RASSF8: variants seen among roughly 807,000 people sequenced by gnomAD.
The protein encoded by RASSF8 is ras association domain-containing protein 8.
RASSF8 carries 22 observed loss-of-function variants against 48.5 expected under a neutral mutation model. The observed-to-expected ratio is 0.45, with a 90% CI of 0.32 to 0.65. The LOEUF is 0.65. Among genes scored for constraint, RASSF8 ranks in the 30% least tolerant of loss-of-function variants. RASSF8 has a pLI of 0.03. For missense variants in RASSF8, 418 were observed against 489.2 expected, an observed-to-expected ratio of 0.85 and a Z score of 1.37; for synonymous variants, 127 against 171.5, an observed-to-expected ratio of 0.74 and a Z score of 2.03.
At chr12:26,005,546 C>CT (rs1430793833) in intron 2 of RASSF8, among the ~76,000 whole-genome samples, 30 of 151,950 alleles carry the variant, frequency 2.0e-4, no homozygotes, top group African/African-American at 7.0e-4. Flanking sequence ...AATATAAAAT[C>CT]TTTTTTTTGG....
chr12:25,995,884 T>C (rs1942120953), intron 2 of RASSF8, among the ~76,000 whole-genome samples: 1 of 150,250 alleles, frequency 6.7e-6, no homozygotes, highest in Non-Finnish European at 1.5e-5. Context: ...GCGTGCTGTC[T>C]CATAAATTCC....
chr12:25,986,926 T>TTGTTTGTTTGTTTG (rs1555160454), intron 1 of RASSF8, among the ~76,000 whole-genome samples: 1 of 146,612 alleles, frequency 6.8e-6, no homozygotes, highest in Admixed American at 6.8e-5. Context: ...CGTTTTTTTT[T>TTGTTTGTTTGTTTG]TTTGTTTGTT....
chr12:26,003,006 A>G (rs1211825465), intron 2 of RASSF8, among the ~76,000 whole-genome samples: 1 of 152,220 alleles, frequency 6.6e-6, no homozygotes, highest in Non-Finnish European at 1.5e-5. Context: ...TAACTCATTC[A>G]TCTAGAGTTA....
In RASSF8 at chr12:26,038,608, AACACACACACACACACACACAC is replaced by A. The variant is rs57536643; in HGVS notation, c.-108-16601_-108-16580del. On this transcript the variant is annotated intron_variant, in intron 2 of 5. Transcript: ENST00000689635. ...TTGTTTTTTAAAATGTTCTTATTAA[AACACACACACACACACACACAC>A]ACACACACACACACACACACACACA... Among the ~76,000 whole-genome samples, 144 of 144,964 alleles carry A rather than the reference AACACACACACACACACACACAC, an allele frequency of 9.9e-4. 1 individual carries two copies. The highest frequency in any genetic ancestry group is 3.5e-3 in the Middle Eastern group (1 of 284).
chr12:26,073,172 C>T (rs142076382), downstream of RASSF8, among the ~76,000 whole-genome samples: 17 of 152,308 alleles, frequency 1.1e-4, no homozygotes, highest in African/African-American at 4.1e-4. Context: ...GTCCCTACTA[C>T]GTGCCAAGTG....
At chr12:25,992,691 G>A (rs1942042119) in intron 1 of RASSF8, among the ~76,000 whole-genome samples, 1 of 152,156 alleles carries the variant, frequency 6.6e-6, no homozygotes, top group Admixed American at 6.5e-5. Context: ...TGGCTTCAGG[G>A]GAGGCACTGG....
intron 2 of RASSF8, among the ~76,000 whole-genome samples, chr12:25,996,136 G>C (rs1221229058): frequency 6.6e-6 from 1 of 152,152 alleles, no homozygotes; most frequent in Non-Finnish European, 1.5e-5. Context: ...ACCATGACTA[G>C]AAGGCTGCAA....
intron 2 of RASSF8, among the ~76,000 whole-genome samples, chr12:26,035,067 A>G (rs917536148): frequency 6.6e-6 from 1 of 152,100 alleles, no homozygotes; most frequent in Admixed American, 6.6e-5. Flanking sequence ...CAGTTGTCCA[A>G]TACTACTGGT....
intron 2 of RASSF8, among the ~76,000 whole-genome samples, chr12:26,010,650 C>A (rs1361385546): frequency 6.6e-6 from 1 of 152,142 alleles, no homozygotes; most frequent in Non-Finnish European, 1.5e-5. Flanking sequence ...TATTTCCTTT[C>A]CCCCTTTATA....
In RASSF8 at chr12:26,070,056, T is replaced by G; in HGVS notation, c.*1238T>G. 1.0e-6 allele frequency: 1 copy of G among 983,492 alleles called. No individual in the cohort carries two copies. Among genetic ancestry groups the G allele is most frequent in the Non-Finnish European group, 1.2e-6 (1 of 828,144 alleles). 60.9% of individuals were successfully genotyped at this position (983,492 alleles called of 1,614,324 possible). On this transcript the variant is annotated 3_prime_UTR_variant, in exon 6 of 6. Coordinates refer to ENST00000689635, the MANE Select transcript of RASSF8 (RefSeq NM_001394098.1). ...ACTTAACTAAGATTTACAAGTAATATTTAGACAGATTCAGTCAGACACCAC... is the reference window on the plus strand; with the variant it reads ...ACTTAACTAAGATTTACAAGTAATAGTTAGACAGATTCAGTCAGACACCAC...
At chr12:26,030,360 G>A (rs1343241302) in intron 2 of RASSF8, among the ~76,000 whole-genome samples, 2 of 152,130 alleles carry the variant, frequency 1.3e-5, no homozygotes, top group African/African-American at 4.8e-5. Flanking sequence ...CAGGTAGAGG[G>A]GCTACAAGAA....
chr12:25,970,569 A>G (rs370058457), intron 1 of RASSF8, among the ~76,000 whole-genome samples: 9 of 152,128 alleles, frequency 5.9e-5, no homozygotes, highest in African/African-American at 2.2e-4. Context: ...CCCATCCTCC[A>G]TGTTGCCGGA....
chr12:25,980,491 A>G (rs1414366079), intron 1 of RASSF8, among the ~76,000 whole-genome samples: 5 of 152,234 alleles, frequency 3.3e-5, no homozygotes, highest in South Asian at 4.1e-4. Context: ...TGCGTCTTCC[A>G]AACAGGGTTT....
At chr12:26,060,002 A>G (rs1002403808) in intron 3 of RASSF8, among the ~76,000 whole-genome samples, 1 of 152,130 alleles carries the variant, frequency 6.6e-6, no homozygotes, top group Non-Finnish European at 1.5e-5. Flanking sequence ...GGTTCACACC[A>G]TTCTCCTGCC....
At chr12:25,968,413 G>A (rs1343312807) in intron 1 of RASSF8, among the ~76,000 whole-genome samples, 2 of 152,268 alleles carry the variant, frequency 1.3e-5, no homozygotes, top group African/African-American at 4.8e-5. Flanking sequence ...CACGATCTCG[G>A]CTCACTGCAG....
intron 2 of RASSF8, among the ~76,000 whole-genome samples, chr12:26,012,113 A>G (rs1942541261): frequency 6.6e-6 from 1 of 152,226 alleles, no homozygotes; most frequent in Admixed American, 6.5e-5. Context: ...TGGTTCCAGA[A>G]TGCCTGAATT....
At chr12:26,037,158 T>C (rs1943171095) in intron 2 of RASSF8, among the ~76,000 whole-genome samples, 1 of 152,162 alleles carries the variant, frequency 6.6e-6, no homozygotes, top group African/African-American at 2.4e-5. Context: ...GACAGTGCTG[T>C]ACCCAGGGCG....
At chr12:26,055,539 T>C in intron 3 of RASSF8, 93 bp downstream of exon 3, 1 of 1,109,760 alleles carries the variant, frequency 9.0e-7, no homozygotes, top group Non-Finnish European at 1.4e-6. Context: ...GGGGATTTTG[T>C]TCATTTGGTT....
chr12:26,078,270 G>T (rs1268292225), intron 5 of RASSF8, among the ~76,000 whole-genome samples: 1 of 152,204 alleles, frequency 6.6e-6, no homozygotes, highest in African/African-American at 2.4e-5. Flanking sequence ...AAAAATAAAA[G>T]CAGCAAAGAG....
Sources: allele counts gnomAD v4.1 joint callset (sites outside exome capture counted in the v4.1 genomes callset), GRCh38; gene constraint gnomAD v4.1.1; transcripts MANE v1.5; gene names NCBI Gene and HGNC (gene_info 2026-07-23, HGNC 2026-07-21).